USH2A: variants seen among roughly 807,000 people sequenced by gnomAD.
The protein encoded by USH2A is Usher syndrome 2A (autosomal recessive, mild).
Under a neutral mutation model 538.9 loss-of-function variants are expected in USH2A, and 443 were observed. The observed-to-expected ratio is 0.82, with a 90% CI of 0.76 to 0.89. The LOEUF (loss-of-function observed/expected upper bound fraction) is 0.89, where lower values mean the gene tolerates loss of function less well. Ranked by LOEUF, USH2A falls within the 40% of genes least tolerant of loss-of-function variation. The pLI, the probability that USH2A is intolerant of heterozygous loss-of-function variation, is 0.00. For synonymous variants in USH2A, 2,413 were observed against 2,273.5 expected, an observed-to-expected ratio of 1.06 and a Z score of -1.75; for missense variants, 6,633 against 6,324.8, an observed-to-expected ratio of 1.05 and a Z score of -1.65.
At chr1:216,349,370 C>T (rs1424053887) in intron 4 of USH2A, among the ~76,000 whole-genome samples, 4 of 152,078 alleles carry the variant, frequency 2.6e-5, no homozygotes, top group Non-Finnish European at 4.4e-5. Flanking sequence ...GCAACTCCAT[C>T]TTGAATAGGG....
At chr1:215,659,329 C>T (rs1657371063) in intron 64 of USH2A, among the ~76,000 whole-genome samples, 1 of 152,120 alleles carries the variant, frequency 6.6e-6, no homozygotes, top group South Asian at 2.1e-4. Flanking sequence ...GCTAGATCCT[C>T]AAGAAGGCCA....
chr1:215,782,022 T>G lies in USH2A; in HGVS notation c.10740+20A>C. On this transcript the variant is annotated intron_variant, in intron 54 of 71. Transcript: ENST00000307340. ...TCACACTGAACCCCTTTTCCCAGAG[T>G]TTAGGCAAACTCCTCTTACCTTGCT... 6.2e-7 allele frequency: 1 copy of G among 1,613,580 alleles called. No individual in the cohort carries two copies. Among genetic ancestry groups the G allele is most frequent in the South Asian group, 1.1e-5 (1 of 91,058 alleles).
intron 22 of USH2A, among the ~76,000 whole-genome samples, chr1:216,091,046 A>C (rs1544299): frequency 0.38 from 57,112 of 151,958 alleles, 11,577 homozygotes; most frequent in East Asian, 0.85. Flanking sequence ...ATTCAAGTAC[A>C]TTACCTACAG....
rs1470396110 is a variant in USH2A, at chr1:215,867,152, A to G, written c.8700T>C (p.Tyr2900=). The stretch of plus-strand genomic sequence containing the variant: ...CCACACTGTTGTGTACGAAGAGCAT[A>G]TATTCATAGGTTGTAAACCTAAAAT... The part of the protein sequence containing the change: ...KGLSRFTTYE[Y]MLFVHNSVGF... The change falls in exon 44 of 72, where the codon TAT becomes TAC. Residue 2900 remains tyrosine (Y), a synonymous_variant. Coordinates refer to ENST00000307340, the MANE Select transcript of USH2A (RefSeq NM_206933.4). The G allele has an allele frequency of 2.5e-6, 4 of 1,614,152 alleles. No individual in the cohort carries two copies. The highest frequency in any genetic ancestry group is 1.7e-5 in the Admixed American group (1 of 60,028).
At chr1:216,327,736 T>C (rs1656843285) in intron 4 of USH2A, 82 bp from the exon 5 acceptor site, 1 of 1,533,146 alleles carries the variant, frequency 6.5e-7, no homozygotes, top group Middle Eastern at 1.7e-4. Flanking sequence ...GATATTCCTT[T>C]GAAGATGTTA....
chr1:215,743,298 G>C lies in USH2A; in HGVS notation c.11427C>G (p.Val3809=). The change falls in exon 59 of 72, where the codon GTC becomes GTG. Residue 3809 remains valine (V), a synonymous_variant. Coordinates refer to ENST00000307340, the MANE Select transcript of USH2A (RefSeq NM_206933.4). ...LIPEIPVEYN[V]LLNDGSVTPL... is the part of the protein sequence containing the mutation. The stretch of plus-strand genomic sequence containing the variant: ...GTGTTACACTTCCATCATTGAGTAA[G>C]ACATTGTACTCCACAGGAATTTCGG... The C allele has an allele frequency of 6.2e-7, 1 of 1,608,194 alleles. No individual in the cohort carries two copies.
chr1:216,277,561 C>T (rs902156365), intron 11 of USH2A, among the ~76,000 whole-genome samples: 1 of 152,042 alleles, frequency 6.6e-6, no homozygotes, highest in Non-Finnish European at 1.5e-5. Context: ...GAAGAGAATG[C>T]CCCTTTCGCT....
At chr1:215,696,877 A>G (rs995272856) in intron 61 of USH2A, among the ~76,000 whole-genome samples, 4 of 152,214 alleles carry the variant, frequency 2.6e-5, no homozygotes, top group Non-Finnish European at 2.9e-5. Flanking sequence ...CAAACAAAAT[A>G]AAATAAATGG....
chr1:216,029,483 TG>T (rs1249892476), intron 32 of USH2A, among the ~76,000 whole-genome samples: 1 of 152,084 alleles, frequency 6.6e-6, no homozygotes, highest in East Asian at 1.9e-4. Context: ...ATGTTACATA[TG>T]TGTGTGTATA....
chr1:215,960,660 A>G (rs1667175837), intron 37 of USH2A, among the ~76,000 whole-genome samples: 1 of 152,132 alleles, frequency 6.6e-6, no homozygotes, highest in South Asian at 2.1e-4. Flanking sequence ...AAAAGTGCTA[A>G]TCCTTACTTT....
intron 30 of USH2A, among the ~76,000 whole-genome samples, chr1:216,061,967 G>A (rs2102538721): frequency 6.6e-6 from 1 of 152,272 alleles, no homozygotes; most frequent in South Asian, 2.1e-4. Flanking sequence ...TTTATTAACA[G>A]CAACTGGATG....
intron 32 of USH2A, among the ~76,000 whole-genome samples, chr1:216,023,071 C>T (rs571199837): frequency 1.3e-5 from 2 of 152,078 alleles, no homozygotes; most frequent in Non-Finnish European, 2.9e-5. Flanking sequence ...TCATCTACAG[C>T]AGGTGAGGGC....
chr1:215,803,540 C>G (rs1017861471), intron 49 of USH2A, among the ~76,000 whole-genome samples: 3 of 152,056 alleles, frequency 2.0e-5, no homozygotes, highest in African/African-American at 7.3e-5. Context: ...ACAATTGCTT[C>G]AAAGAGAATA....
chr1:216,049,445 T>C (rs1571916334), intron 30 of USH2A, among the ~76,000 whole-genome samples: 1 of 152,174 alleles, frequency 6.6e-6, no homozygotes, highest in Non-Finnish European at 1.5e-5. Context: ...TAGTTAATCC[T>C]GTGAATTAAA....
chr1:215,779,770 CT>C (rs1661567491), intron 55 of USH2A, 72 bp downstream of exon 55: 1 of 1,567,890 alleles, frequency 6.4e-7, no homozygotes, highest in Non-Finnish European at 8.7e-7. Flanking sequence ...ACACACACCC[CT>C]GGGATGCTTT....
At chr1:216,320,049 T>G (rs2037576980) in intron 9 of USH2A, among the ~76,000 whole-genome samples, 1 of 152,064 alleles carries the variant, frequency 6.6e-6, no homozygotes, top group South Asian at 2.1e-4. Flanking sequence ...TGTAACAAAA[T>G]GATAGAAATA....
chr1:215,710,045 C>T (rs1010589975), intron 61 of USH2A, among the ~76,000 whole-genome samples: 1 of 152,154 alleles, frequency 6.6e-6, no homozygotes, highest in African/African-American at 2.4e-5. Flanking sequence ...ATCAGTTACA[C>T]TGAAAAAGGT....
rs1313949805 is a variant in USH2A at position 216,321,875 on chromosome 1, G to A, written c.1644+8C>T. The A allele has an allele frequency of 1.2e-6, 2 of 1,611,380 alleles. No homozygotes were observed. Among genetic ancestry groups the A allele is most frequent in the Non-Finnish European group, 1.7e-6 (2 of 1,177,930 alleles). ...TTTTTAGATTTCCATGCATAAAATA[G>A]AACTCACATGAAGTCCTTCAGTGAA... On this transcript the variant is annotated splice_region_variant and intron_variant, in intron 9 of 71. Coordinates refer to ENST00000307340, the MANE Select transcript of USH2A (RefSeq NM_206933.4).
intron 21 of USH2A, among the ~76,000 whole-genome samples, chr1:216,124,912 T>C (rs997281241): frequency 1.3e-5 from 2 of 152,014 alleles, no homozygotes; most frequent in Non-Finnish European, 2.9e-5. Flanking sequence ...TGGTGTTATT[T>C]AGGTAATAAG....
Sources: allele counts gnomAD v4.1 joint callset (sites outside exome capture counted in the v4.1 genomes callset), GRCh38; gene constraint gnomAD v4.1.1; transcripts MANE v1.5; gene names NCBI Gene and HGNC (gene_info 2026-07-23, HGNC 2026-07-21).